The following SLC35A3 variants were observed in gnomAD, a reference collection of about 807,000 sequenced individuals.
SLC35A3 encodes the protein UDP-N-acetylglucosamine transporter.
Under a neutral mutation model 39.0 loss-of-function variants are expected in SLC35A3, and 26 were observed. That is an observed-to-expected ratio of 0.67 (90% CI 0.49 to 0.92). The LOEUF (loss-of-function observed/expected upper bound fraction) is 0.92, where lower values mean the gene tolerates loss of function less well. Ranked by LOEUF, SLC35A3 falls within the 40% of genes least tolerant of loss-of-function variation. The pLI is 0.00. For missense variants in SLC35A3, 299 were observed against 371.6 expected (o/e 0.80, Z 1.61); for synonymous variants, 135 against 133.1 (o/e 1.01, Z -0.10).
In SLC35A3 at chr1:100,026,688, T is replaced by G. The variant is rs1347958568; in HGVS notation, c.*4212T>G. 1 of 152,278 alleles carries G rather than the reference T, an allele frequency of 6.6e-6. No homozygotes were observed. Among genetic ancestry groups the G allele is most frequent in the Admixed American group, 6.5e-5 (1 of 15,292 alleles). 9.4% of individuals were successfully genotyped at this position (152,278 alleles called of 1,614,324 possible). ...TTTAACAATTGTATAAAACTGTCAG[T>G]TTGTTGTTTCATTTGTAATTACAAA... On this transcript the variant is annotated 3_prime_UTR_variant, in exon 8 of 8. Transcript: ENST00000533028.
intron 3 of SLC35A3, among the ~76,000 whole-genome samples, chr1:100,002,602 C>T (rs1400638149): frequency 1.3e-5 from 2 of 151,664 alleles, no homozygotes; most frequent in African/African-American, 4.8e-5. Context: ...TCATTTAGTT[C>T]TGCCCTGATC....
At chr1:99,973,723 A>G (rs774324970) in intron 1 of SLC35A3, among the ~76,000 whole-genome samples, 4 of 152,116 alleles carry the variant, frequency 2.6e-5, no homozygotes, top group Non-Finnish European at 5.9e-5. Flanking sequence ...AATTACGATG[A>G]AGCTGAAACT....
chr1:100,011,789 G>A (rs532165475), intron 5 of SLC35A3, among the ~76,000 whole-genome samples: 1,559 of 150,886 alleles, frequency 0.01, 15 homozygotes, highest in Middle Eastern at 0.059. Context: ...TGCAATCTCG[G>A]CTCACTGCAA....
At chr1:100,008,639 G>T (rs1371171664) in intron 4 of SLC35A3, 1 of 152,250 alleles carries the variant, frequency 6.6e-6, no homozygotes, top group African/African-American at 2.4e-5. Context: ...TCTTTCTCTT[G>T]TGCCTACAAT....
rs748968848 is a variant in SLC35A3 at position 100,031,769 on chromosome 1, G to A, written c.*9293G>A. 2 of 152,074 alleles carry A rather than the reference G, an allele frequency of 1.3e-5. No homozygotes were observed. The highest frequency in any genetic ancestry group is 6.5e-5 in the Admixed American group (1 of 15,268). 9.4% of individuals were successfully genotyped at this position (152,074 alleles called of 1,614,324 possible). On this transcript the variant is annotated 3_prime_UTR_variant, in exon 8 of 8. Transcript: ENST00000533028. ...TTTTATAGCTTTTTTGTTTTGGAAC[G>A]AGGGTAAAATCAAGGTTAATGCTTT...
At position 100,017,838 on chromosome 1, in the gene SLC35A3, T is replaced by A. The variant is rs370295328; in HGVS notation, c.887+23T>A. ...CAGGTAAAATGTTCTTTTCTATTTT[T>A]TTAAATCCCCAGAAGTATATAGAAA... On this transcript the variant is annotated intron_variant, in intron 7 of 7. Transcript: ENST00000533028. 8.7e-6 allele frequency: 13 copies of A among 1,494,538 alleles called. No homozygotes were observed. In the African/African-American group the frequency reaches 1.7e-4, roughly 20 times the overall value. 92.6% of individuals were successfully genotyped at this position (1,494,538 alleles called of 1,614,324 possible).
intron 1 of SLC35A3, among the ~76,000 whole-genome samples, chr1:99,992,685 C>T (rs1304205599): frequency 6.6e-6 from 1 of 152,186 alleles, no homozygotes; most frequent in Non-Finnish European, 1.5e-5. Flanking sequence ...ACTGTGTCAT[C>T]TCTGCATTGT....
chr1:100,007,364 A>T, intron 4 of SLC35A3: 1 of 425,966 alleles, frequency 2.3e-6, no homozygotes, highest in Non-Finnish European at 4.1e-6. Flanking sequence ...ATAAAATTAT[A>T]TTACCTACAG....
chr1:99,972,616 A>G (rs1479171348), intron 1 of SLC35A3, among the ~76,000 whole-genome samples: 1 of 152,160 alleles, frequency 6.6e-6, no homozygotes, highest in Non-Finnish European at 1.5e-5. Context: ...AATTACAGGC[A>G]TGAGCCACCG....
intron 4 of SLC35A3, among the ~76,000 whole-genome samples, chr1:100,010,085 G>T (rs532104006): frequency 6.6e-6 from 1 of 152,030 alleles, no homozygotes; most frequent in Admixed American, 6.6e-5. Flanking sequence ...TTCCTTGGTC[G>T]CACTACCCAC....
At chr1:99,986,848 A>T (rs1374299745) in intron 1 of SLC35A3, among the ~76,000 whole-genome samples, 3 of 152,208 alleles carry the variant, frequency 2.0e-5, no homozygotes, top group Non-Finnish European at 2.9e-5. Flanking sequence ...TGGGCCTACC[A>T]AAGTGCTGGG....
rs544832779 is a variant in SLC35A3 at position 99,998,351 on chromosome 1, T to A, written c.188-910T>A. On this transcript the variant is annotated intron_variant, in intron 2 of 7. Coordinates refer to ENST00000533028, the MANE Select transcript of SLC35A3 (RefSeq NM_012243.3). ...AAAAAAATTTTTTTTTGAGACAGGT[T>A]CTCATTATGTTTATCAAGCTGGTCT... Among the ~76,000 whole-genome samples, 6 of 152,058 alleles carry A rather than the reference T, an allele frequency of 3.9e-5. 1 individual carries two copies. In the South Asian group the frequency reaches 1.2e-3, roughly 31 times the overall value.
At chr1:99,974,688 A>G (rs574831865) in intron 1 of SLC35A3, among the ~76,000 whole-genome samples, 2 of 152,268 alleles carry the variant, frequency 1.3e-5, no homozygotes, top group South Asian at 2.1e-4. Context: ...GTCTTGGTTC[A>G]TGTCTGAGCT....
intron 1 of SLC35A3, among the ~76,000 whole-genome samples, chr1:99,984,072 GA>G (rs1226753205): frequency 1.3e-5 from 2 of 152,102 alleles, no homozygotes; most frequent in Non-Finnish European, 2.9e-5. Flanking sequence ...ATACATGTAT[GA>G]AAATATCACA....
chr1:100,008,398 T>C (rs1200611625), intron 4 of SLC35A3: 4 of 152,230 alleles, frequency 2.6e-5, no homozygotes, highest in African/African-American at 9.6e-5. Context: ...TTATTAATAG[T>C]TCAGGTGGAA....
At chr1:99,995,695 A>G (rs1473477382) in intron 2 of SLC35A3, among the ~76,000 whole-genome samples, 1 of 152,206 alleles carries the variant, frequency 6.6e-6, no homozygotes, top group African/African-American at 2.4e-5. Flanking sequence ...GAGATGTCAA[A>G]TAGTAGAGTC....
At chr1:100,003,122 G>T (rs1658931419) in intron 3 of SLC35A3, among the ~76,000 whole-genome samples, 1 of 151,802 alleles carries the variant, frequency 6.6e-6, no homozygotes, top group South Asian at 2.1e-4. Context: ...TTTGTTTTAA[G>T]AAATTTTTCT....
At chr1:99,985,578 G>T (rs183820989) in intron 1 of SLC35A3, among the ~76,000 whole-genome samples, 8 of 152,158 alleles carry the variant, frequency 5.3e-5, no homozygotes, top group Admixed American at 3.9e-4. Context: ...TGAATTTTAG[G>T]ATTGTTTTTT....
intron 1 of SLC35A3, chr1:99,974,920 T>G (rs1416794079): frequency 6.6e-6 from 1 of 152,146 alleles, no homozygotes; most frequent in African/African-American, 2.4e-5. Flanking sequence ...AGAAAACATT[T>G]AATGCAAACC....
Sources: gnomAD v4.1 joint callset for allele counts (sites outside exome capture counted in the v4.1 genomes callset) on GRCh38, gnomAD v4.1.1 for gene constraint, MANE v1.5 for transcripts, NCBI Gene and HGNC (gene_info 2026-07-23, HGNC 2026-07-21) for gene names.